CENPC: variants seen among roughly 807,000 people sequenced by gnomAD.
CENPC encodes CENP-C 1.
CENPC carries 63 observed loss-of-function variants against 112.1 expected under a neutral mutation model. That is an observed-to-expected ratio of 0.56 (90% CI 0.46 to 0.69). CENPC has a LOEUF of 0.69. Among genes scored for constraint, CENPC ranks in the 30% least tolerant of loss-of-function variants. The pLI, the probability that CENPC is intolerant of heterozygous loss-of-function variation, is 0.00. For missense variants in CENPC, 1,000 were observed against 1,103.8 expected, an observed-to-expected ratio of 0.91 and a Z score of 1.33; for synonymous variants, 333 against 367.6, an observed-to-expected ratio of 0.91 and a Z score of 1.08.
chr4:67,497,158 T>C (rs1342642956), intron 12 of CENPC, among the ~76,000 whole-genome samples: 1 of 151,878 alleles, frequency 6.6e-6, no homozygotes, highest in Non-Finnish European at 1.5e-5. Context: ...GGCAGGTAGA[T>C]CAGGAGGTCA....
rs755784425 is a variant in CENPC, at chr4:67,519,439, T to C, written c.395A>G (p.Asp132Gly). The C allele has an allele frequency of 1.2e-6, 2 of 1,609,868 alleles. No individual in the cohort carries two copies. Among genetic ancestry groups the C allele is most frequent in the South Asian group, 2.2e-5 (2 of 90,676 alleles). Residue 132 changes from aspartate to glycine, a missense_variant, in exon 6 of 19, where the codon GAC (aspartate) becomes GGC (glycine). Physicochemically the swap from Asp to Gly is moderately conservative, Grantham distance 94. Coordinates refer to ENST00000273853, the MANE Select transcript of CENPC (RefSeq NM_001812.4). Reference protein sequence around the residue: ...ATDVSSKNTPDSKKISSRNIN... With the variant: ...ATDVSSKNTPGSKKISSRNIN... ...GTTTCTACTTGATATTTTTTTCGAG[T>C]CAGGTGTATTTTTGGAACTAACATC...
intron 7 of CENPC, 82 bp downstream of exon 7, chr4:67,518,074 T>C (rs1577995517): frequency 1.4e-6 from 1 of 718,648 alleles, no homozygotes; most frequent in Non-Finnish European, 2.1e-6. Flanking sequence ...ATTTCTAAGT[T>C]AAATAGCATT....
chr4:67,491,949 G>A (rs965248291), intron 16 of CENPC, among the ~76,000 whole-genome samples: 3 of 152,200 alleles, frequency 2.0e-5, no homozygotes, highest in Middle Eastern at 3.4e-3. Flanking sequence ...AGCACTACTT[G>A]TGCCCCAGAG....
intron 18 of CENPC, among the ~76,000 whole-genome samples, chr4:67,474,387 A>C (rs1724748986): frequency 6.6e-6 from 1 of 152,048 alleles, no homozygotes; most frequent in African/African-American, 2.4e-5. Context: ...TTCAGTAGTA[A>C]ACAACTCTTG....
intron 17 of CENPC, among the ~76,000 whole-genome samples, chr4:67,478,238 A>G (rs894027852): frequency 1.3e-5 from 2 of 152,190 alleles, no homozygotes; most frequent in African/African-American, 4.8e-5. Context: ...TCACCTAGCC[A>G]CACAGTCATT....
intron 17 of CENPC, among the ~76,000 whole-genome samples, chr4:67,481,727 T>A (rs542940284): frequency 1.3e-5 from 2 of 152,146 alleles, no homozygotes; most frequent in Admixed American, 6.5e-5. Context: ...TGGATCCTCA[T>A]CTGCCACCTT....
At chr4:67,544,235 T>TA in intron 1 of CENPC, 40 bp from the exon 2 acceptor site, 1 of 1,106,574 alleles carries the variant, frequency 9.0e-7, no homozygotes, top group South Asian at 1.3e-5. Flanking sequence ...TTCTTTAAGA[T>TA]AGAGTCGAGT....
At chr4:67,485,407 T>C (rs1478423334) in intron 17 of CENPC, among the ~76,000 whole-genome samples, 1 of 152,156 alleles carries the variant, frequency 6.6e-6, no homozygotes, top group Non-Finnish European at 1.5e-5. Flanking sequence ...CCTTCAAACT[T>C]TGAGATTCAG....
chr4:67,486,210 GA>G (rs1235587626), intron 17 of CENPC, among the ~76,000 whole-genome samples: 7 of 152,192 alleles, frequency 4.6e-5, no homozygotes, highest in African/African-American at 1.7e-4. Flanking sequence ...AAAATAGAAT[GA>G]TGAACTCTCA....
intron 6 of CENPC, among the ~76,000 whole-genome samples, chr4:67,518,720 A>G (rs1726132027): frequency 1.3e-5 from 2 of 152,198 alleles, no homozygotes; most frequent in Non-Finnish European, 2.9e-5. Context: ...TGGCTCCAGT[A>G]ATCATACAAT....
intron 1 of CENPC, among the ~76,000 whole-genome samples, chr4:67,544,651 A>T (rs929565747): frequency 6.6e-6 from 1 of 152,222 alleles, no homozygotes; most frequent in African/African-American, 2.4e-5. Flanking sequence ...TGAAATATAG[A>T]ATAGTGAACA....
chr4:67,515,419 T>C (rs1035220843), intron 7 of CENPC, among the ~76,000 whole-genome samples: 3 of 151,334 alleles, frequency 2.0e-5, no homozygotes, highest in Admixed American at 1.3e-4. Flanking sequence ...TGAGCCGAGA[T>C]TGCACCACTG....
At chr4:67,493,409 T>A (rs1237159232) in intron 14 of CENPC, 1 of 167,958 alleles carries the variant, frequency 6.0e-6, no homozygotes, top group Non-Finnish European at 1.3e-5. Context: ...CACTTTGAGA[T>A]GCCAAAGCGG....
chr4:67,504,683 G>A (rs568773757), intron 12 of CENPC, among the ~76,000 whole-genome samples: 37 of 152,108 alleles, frequency 2.4e-4, no homozygotes, highest in Admixed American at 4.6e-4. Context: ...TTAGCCAGGC[G>A]TGGTGGCAGG....
At chr4:67,522,861 G>A (rs190653078) in intron 5 of CENPC, among the ~76,000 whole-genome samples, 73 of 152,154 alleles carry the variant, frequency 4.8e-4, no homozygotes, top group South Asian at 4.0e-3. Context: ...TTATGTGGGC[G>A]CAGTGGTGTG....
chr4:67,473,021 T>C (rs1724709443), intron 18 of CENPC, among the ~76,000 whole-genome samples: 1 of 152,206 alleles, frequency 6.6e-6, no homozygotes, highest in Non-Finnish European at 1.5e-5. Flanking sequence ...TACTCATATA[T>C]AGATGAATAT....
chr4:67,490,819 C>G (rs2109774660), intron 16 of CENPC, among the ~76,000 whole-genome samples: 1 of 136,346 alleles, frequency 7.3e-6, no homozygotes, highest in South Asian at 2.3e-4. Flanking sequence ...ATCCTACAGA[C>G]TACATGATAT....
rs374739622 is a variant in CENPC at position 67,492,400 on chromosome 4, C to T, written c.2420-125G>A. ...CTGTCAAACGCAAAGAAGTCTCTTC[C>T]TATTTATAAATCACTCTGATAAACA... On this transcript the variant is annotated intron_variant, in intron 15 of 18. Transcript: ENST00000273853. 1.1e-5 allele frequency: 6 copies of T among 557,598 alleles called. No homozygotes were observed. In the East Asian group the frequency reaches 1.2e-4, roughly 11 times the overall value. The allele number at this position is 557,598 out of a possible 1,614,324, so 34.5% of individuals were successfully genotyped here. A position where few individuals can be genotyped will look rare whatever the true frequency, so the allele number is the denominator to read the frequency against.
intron 8 of CENPC, among the ~76,000 whole-genome samples, 180 bp downstream of exon 8, chr4:67,513,892 CTA>C (rs1434465006): frequency 6.6e-6 from 1 of 151,934 alleles, no homozygotes; most frequent in East Asian, 1.9e-4. Context: ...TAAACAAAAA[CTA>C]TATGAGTTAG....
Sources: gnomAD v4.1 joint callset for allele counts (sites outside exome capture counted in the v4.1 genomes callset) on GRCh38, gnomAD v4.1.1 for gene constraint, MANE v1.5 for transcripts, NCBI Gene and HGNC (gene_info 2026-07-23, HGNC 2026-07-21) for gene names.